CSMD1: variants seen among roughly 807,000 people sequenced by gnomAD.
The protein encoded by CSMD1 is CUB and Sushi multiple domains 1, also known as CUB and sushi domain-containing protein 1.
In CSMD1, 213 loss-of-function variants were observed where a neutral mutation model predicts 417.5. The observed-to-expected ratio is 0.51, with a 90% CI of 0.46 to 0.57. The LOEUF is 0.57. Ranked by LOEUF, CSMD1 falls within the 20% of genes least tolerant of loss-of-function variation. The pLI, the probability that CSMD1 is intolerant of heterozygous loss-of-function variation, is 0.00. For missense variants in CSMD1, 6,923 were observed against 4,529.7 expected (o/e 1.53, Z -15.17); for synonymous variants, 2,862 against 1,736.8 (o/e 1.65, Z -16.11).
intron 3 of CSMD1, among the ~76,000 whole-genome samples, chr8:4,291,909 G>A (rs1354384750): frequency 6.6e-6 from 1 of 152,142 alleles, no homozygotes; most frequent in Non-Finnish European, 1.5e-5. Context: ...CATCAAGCAG[G>A]AACAGAACCT....
At chr8:4,530,156 G>A (rs916352335) in intron 2 of CSMD1, among the ~76,000 whole-genome samples, 10 of 151,520 alleles carry the variant, frequency 6.6e-5, no homozygotes, top group Non-Finnish European at 1.5e-4. Context: ...CTTGTGATCT[G>A]CCCACCTCAG....
At chr8:4,044,107 A>G (rs1310704877) in intron 3 of CSMD1, among the ~76,000 whole-genome samples, 1 of 152,130 alleles carries the variant, frequency 6.6e-6, no homozygotes, top group African/African-American at 2.4e-5. Flanking sequence ...ATTATTTGAT[A>G]TGATATTTTC....
At chr8:4,926,847 T>C (rs959737479) in intron 1 of CSMD1, among the ~76,000 whole-genome samples, 1 of 152,182 alleles carries the variant, frequency 6.6e-6, no homozygotes, top group Non-Finnish European at 1.5e-5. Flanking sequence ...CTAAATAGTT[T>C]GCTATCAATG....
chr8:4,817,129 ACATAT>A (rs1394524111), intron 1 of CSMD1, among the ~76,000 whole-genome samples: 1 of 152,232 alleles, frequency 6.6e-6, no homozygotes, highest in Non-Finnish European at 1.5e-5. Context: ...GTATATAAAT[ACATAT>A]CATAATATTT....
At chr8:3,731,542 G>C (rs528153840) in intron 6 of CSMD1, among the ~76,000 whole-genome samples, 2 of 152,132 alleles carry the variant, frequency 1.3e-5, no homozygotes, top group Admixed American at 6.5e-5. Context: ...AGTATGGCTG[G>C]GGTGATTTGA....
At chr8:4,459,474 G>C (rs1318800153) in intron 2 of CSMD1, among the ~76,000 whole-genome samples, 2 of 152,188 alleles carry the variant, frequency 1.3e-5, no homozygotes, top group Non-Finnish European at 2.9e-5. Context: ...TAGAGGGCAG[G>C]AAATTCAAAT....
chr8:3,469,259 A>G (rs1325341851), intron 11 of CSMD1: 1 of 154,286 alleles, frequency 6.5e-6, no homozygotes, highest in Non-Finnish European at 1.4e-5. Context: ...TCTCTATCAC[A>G]ACAAATTGTA....
chr8:3,822,749 G>C (rs1215823306), intron 5 of CSMD1, among the ~76,000 whole-genome samples: 3 of 152,148 alleles, frequency 2.0e-5, no homozygotes, highest in African/African-American at 7.2e-5. Flanking sequence ...CACCAAAGTG[G>C]AAATACAGGT....
At chr8:3,319,808 C>G (rs1452514088) in intron 23 of CSMD1, among the ~76,000 whole-genome samples, 2 of 152,086 alleles carry the variant, frequency 1.3e-5, no homozygotes, top group African/African-American at 4.8e-5. Context: ...GTAGGTTTCT[C>G]AGCACATAAT....
intron 5 of CSMD1, among the ~76,000 whole-genome samples, chr8:3,868,491 A>C (rs189670926): frequency 9.7e-4 from 148 of 152,202 alleles, no homozygotes; most frequent in African/African-American, 3.4e-3. Flanking sequence ...CTCATTCAAC[A>C]GACACAAAGA....
At chr8:4,289,410 G>GCCTCGAAAAT (rs113872731) in intron 3 of CSMD1, among the ~76,000 whole-genome samples, 1 of 151,972 alleles carries the variant, frequency 6.6e-6, no homozygotes, top group Non-Finnish European at 1.5e-5. Flanking sequence ...AGGGAGCCAG[G>GCCTCGAAAAT]GCCTGTGTTT....
At chr8:4,808,382 C>T (rs1798708051) in intron 1 of CSMD1, among the ~76,000 whole-genome samples, 2 of 152,264 alleles carry the variant, frequency 1.3e-5, no homozygotes, top group South Asian at 4.1e-4. Context: ...ATTATAGACC[C>T]TTTTGCTAAG....
At chr8:3,219,579 A>G in intron 28 of CSMD1, 137 bp from the exon 29 acceptor site, 1 of 573,978 alleles carries the variant, frequency 1.7e-6, no homozygotes, top group Non-Finnish European at 2.9e-6. Context: ...AAAAAGTTAA[A>G]TGTAGTATGA....
At chr8:4,642,313 A>G (rs1428712783) in intron 1 of CSMD1, among the ~76,000 whole-genome samples, 1 of 152,176 alleles carries the variant, frequency 6.6e-6, no homozygotes, top group Non-Finnish European at 1.5e-5. Context: ...CCTGTCTCAG[A>G]AACACCCAGC....
At chr8:3,703,082 A>G (rs982804054) in intron 7 of CSMD1, among the ~76,000 whole-genome samples, 2 of 152,220 alleles carry the variant, frequency 1.3e-5, no homozygotes, top group Non-Finnish European at 2.9e-5. Flanking sequence ...GATATTTAAG[A>G]TATTAATGAC....
chr8:4,173,888 G>A (rs1481929185), intron 3 of CSMD1, among the ~76,000 whole-genome samples: 3 of 152,112 alleles, frequency 2.0e-5, no homozygotes, highest in Non-Finnish European at 2.9e-5. Context: ...AGTGGCAGCT[G>A]AAGTTCTGGG....
Position 4,152,946 on chromosome 8 carries a change from C to G in CSMD1, c.416-120847G>C, listed in dbSNP as rs1276663650. Reference sequence around the variant, plus strand: ...GTATACTCTATCCTCTTCTCAAAATCTTAGAAATGGTATTTGCCTTCATTT... The same window carrying G: ...GTATACTCTATCCTCTTCTCAAAATGTTAGAAATGGTATTTGCCTTCATTT... On this transcript the variant is annotated intron_variant, in intron 3 of 69. Coordinates refer to ENST00000635120, the MANE Select transcript of CSMD1 (RefSeq NM_033225.6). Among the ~76,000 whole-genome samples, 3 of 152,098 alleles carry G rather than the reference C, an allele frequency of 2.0e-5. 1 individual carries two copies. Among genetic ancestry groups the G allele is most frequent in the Admixed American group, 2.0e-4 (3 of 15,274 alleles).
At chr8:4,500,945 C>A (rs1045134975) in intron 2 of CSMD1, among the ~76,000 whole-genome samples, 1 of 151,982 alleles carries the variant, frequency 6.6e-6, no homozygotes, top group African/African-American at 2.4e-5. Context: ...GAACGAGTAC[C>A]CTTGTTTTTG....
chr8:3,197,227 G>A (rs544284695), intron 33 of CSMD1, among the ~76,000 whole-genome samples: 3 of 148,112 alleles, frequency 2.0e-5, no homozygotes, highest in African/African-American at 5.0e-5. Context: ...ATCTGTGCAT[G>A]TCTGGAGTCA....
Sources: allele counts gnomAD v4.1 joint callset (sites outside exome capture counted in the v4.1 genomes callset), GRCh38; gene constraint gnomAD v4.1.1; transcripts MANE v1.5; gene names NCBI Gene and HGNC (gene_info 2026-07-23, HGNC 2026-07-21).